The following PRKAR1A variants were observed in gnomAD, a reference collection of about 807,000 sequenced individuals.
The protein encoded by PRKAR1A is cAMP-dependent protein kinase type I-alpha regulatory subunit.
PRKAR1A carries 3 observed loss-of-function variants against 52.0 expected under a neutral mutation model. That is an observed-to-expected ratio of 0.06 (90% confidence interval 0.03 to 0.15). The LOEUF (loss-of-function observed/expected upper bound fraction) is 0.15. Among genes scored for constraint, PRKAR1A ranks in the 10% least tolerant of loss-of-function variants. PRKAR1A has a pLI of 1.00. For missense variants in PRKAR1A, 240 were observed against 477.4 expected (o/e 0.50, Z 4.63); for synonymous variants, 188 against 168.4 (o/e 1.12, Z -0.90).
At chr17:68,546,137 A>G (rs1041272124) in intron 11 of PRKAR1A, among the ~76,000 whole-genome samples, 13 of 146,922 alleles carry the variant, frequency 8.8e-5, no homozygotes, top group African/African-American at 3.1e-4. Flanking sequence ...CCACTGCACT[A>G]CAGCCTGAGC....
intron 8 of PRKAR1A, chr17:68,528,607 T>G: frequency 2.1e-6 from 1 of 486,564 alleles, no homozygotes; most frequent in Non-Finnish European, 3.7e-6. Context: ...TTACATTTTC[T>G]TATTCCCTTG....
At chr17:68,513,788 AT>A (rs2085345793) in intron 1 of PRKAR1A, among the ~76,000 whole-genome samples, 1 of 152,328 alleles carries the variant, frequency 6.6e-6, no homozygotes, top group African/African-American at 2.4e-5. Context: ...TTCGTAATAC[AT>A]TAGTTGTTTC....
the PRKAR1A span, among the ~76,000 whole-genome samples, chr17:68,457,960 G>A: frequency 6.6e-6 from 1 of 152,132 alleles, no homozygotes; most frequent in African/African-American, 2.4e-5. Context: ...CGGGGCCGCC[G>A]CAAGGGTGAC....
At chr17:68,489,423 GTA>G in the PRKAR1A span, among the ~76,000 whole-genome samples, 6 of 80,196 alleles carry the variant, frequency 7.5e-5, no homozygotes, top group African/African-American at 2.8e-4. Context: ...TATATGGAAA[GTA>G]TATATATATG....
chr17:68,457,066 C>T, the PRKAR1A span, among the ~76,000 whole-genome samples: 2 of 152,190 alleles, frequency 1.3e-5, no homozygotes, highest in African/African-American at 4.8e-5. Flanking sequence ...CCGTGGCCCC[C>T]GCAGCCCCAC....
At chr17:68,515,094 T>C in intron 1 of PRKAR1A, 1 of 397,766 alleles carries the variant, frequency 2.5e-6, no homozygotes, top group Non-Finnish European at 4.7e-6. Flanking sequence ...CTTAAGGGCC[T>C]GACTTCAGCA....
At chr17:68,428,828 C>A in the PRKAR1A span, 2 of 1,611,024 alleles carry the variant, frequency 1.2e-6, no homozygotes, top group Admixed American at 3.3e-5. Flanking sequence ...AGTCTCTTCA[C>A]CTGTGGGTTT....
chr17:68,537,729 T>C (rs771658536), downstream of PRKAR1A: 1 of 1,611,724 alleles, frequency 6.2e-7, no homozygotes, highest in Non-Finnish European at 8.5e-7. This position sits in a 1 kb window ranked among gnomAD's most constrained non-coding sequence, Gnocchi z 4.2. Flanking sequence ...GCAAAAGTGT[T>C]TTCTTTTTTA....
At chr17:68,436,663 A>AG in the PRKAR1A span, among the ~76,000 whole-genome samples, 49 of 152,310 alleles carry the variant, frequency 3.2e-4, 1 homozygote, top group South Asian at 8.3e-4. Context: ...GCAACTTCAC[A>AG]GGGGAAGACC....
the PRKAR1A span, chr17:68,430,163 A>G: frequency 6.2e-7 from 1 of 1,611,604 alleles, no homozygotes; most frequent in South Asian, 1.1e-5. Context: ...CTGGTCGACT[A>G]GGGAGTAATG....
the PRKAR1A span, among the ~76,000 whole-genome samples, chr17:68,492,610 A>T: frequency 6.6e-6 from 1 of 152,176 alleles, no homozygotes; most frequent in East Asian, 1.9e-4. Flanking sequence ...GCAGCGCCAA[A>T]GTGTGTTAGC....
chr17:68,422,093 C>G, the PRKAR1A span: 3 of 415,390 alleles, frequency 7.2e-6, no homozygotes, highest in African/African-American at 2.0e-5. Flanking sequence ...TTTTAAAAGG[C>G]TCATCTTACT....
chr17:68,493,768 A>T, the PRKAR1A span: 1 of 151,976 alleles, frequency 6.6e-6, no homozygotes, highest in Non-Finnish European at 1.5e-5. Context: ...TAATTTTTGT[A>T]TTTTTAGTAG....
the PRKAR1A span, among the ~76,000 whole-genome samples, chr17:68,464,239 A>C: frequency 1.3e-5 from 2 of 152,184 alleles, no homozygotes; most frequent in African/African-American, 4.8e-5. Flanking sequence ...GCTGAACAAA[A>C]ATTTCTGAGA....
chr17:68,536,494 T>TA (rs769815147), downstream of PRKAR1A: 6 of 454,102 alleles, frequency 1.3e-5, no homozygotes, highest in South Asian at 7.8e-5. Flanking sequence ...GAGGCTTCAA[T>TA]AAAAAACCTG....
At chr17:68,469,199 CTG>C in the PRKAR1A span, among the ~76,000 whole-genome samples, 1 of 101,000 alleles carries the variant, frequency 9.9e-6, no homozygotes, top group Non-Finnish European at 2.4e-5. Context: ...ATTTTAGGCA[CTG>C]TCTATTTTCA....
At chr17:68,422,094 T>G in the PRKAR1A span, 2 of 413,790 alleles carry the variant, frequency 4.8e-6, no homozygotes, top group Non-Finnish European at 8.9e-6. Flanking sequence ...TTTAAAAGGC[T>G]CATCTTACTT....
chr17:68,487,731 C>T, the PRKAR1A span, among the ~76,000 whole-genome samples: 7 of 149,652 alleles, frequency 4.7e-5, no homozygotes, highest in African/African-American at 9.9e-5. Flanking sequence ...AAGCAGGAGG[C>T]GGAGGTTGCA....
upstream of PRKAR1A, among the ~76,000 whole-genome samples, chr17:68,508,827 T>C (rs2143063540): frequency 6.6e-6 from 1 of 152,300 alleles, no homozygotes; most frequent in East Asian, 1.9e-4. Flanking sequence ...TAAACACCCC[T>C]CCTTAGTTTA....
Sources: gnomAD v4.1 joint callset for allele counts (sites outside exome capture counted in the v4.1 genomes callset) on GRCh38, gnomAD v4.1.1 for gene constraint, Gnocchi (gnomAD v3.1) non-coding constraint, MANE v1.5 for transcripts, NCBI Gene and HGNC (gene_info 2026-07-23, HGNC 2026-07-21) for gene names.